NF1: variants seen among roughly 807,000 people sequenced by gnomAD.
NF1 encodes the protein neurofibromin 1.
In NF1, 122 loss-of-function variants were observed where a neutral mutation model predicts 325.7. The observed-to-expected ratio is 0.37, with a 90% CI of 0.32 to 0.44. The LOEUF (loss-of-function observed/expected upper bound fraction) is 0.44, where lower values mean the gene tolerates loss of function less well. NF1 is among the 20% of genes least tolerant of loss of function. NF1 has a pLI of 1.00. For synonymous variants in NF1, 1,091 were observed against 1,186.0 expected (o/e 0.92, Z 1.65); for missense variants, 2,140 against 3,415.4 (o/e 0.63, Z 9.31).
intron 5 of NF1, among the ~76,000 whole-genome samples, chr17:31,171,048 T>C (rs1215544641): frequency 6.6e-6 from 1 of 152,204 alleles, no homozygotes; most frequent in African/African-American, 2.4e-5. Flanking sequence ...TTTTGTTTTC[T>C]TAATATTTCC....
intron 48 of NF1, among the ~76,000 whole-genome samples, chr17:31,348,275 C>T (rs1238823718): frequency 7.6e-6 from 1 of 132,416 alleles, no homozygotes; most frequent in African/African-American, 2.8e-5. Flanking sequence ...AATCTTCAAA[C>T]TTCTTTCTTC....
intron 29 of NF1, among the ~76,000 whole-genome samples, chr17:31,237,382 C>T (rs1478542577): frequency 1.3e-5 from 2 of 152,184 alleles, no homozygotes; most frequent in Non-Finnish European, 2.9e-5. Context: ...TCAAGCGATT[C>T]TCCCATCTCA....
chr17:31,136,015 A>G (rs1308177232), intron 1 of NF1, among the ~76,000 whole-genome samples: 1 of 152,060 alleles, frequency 6.6e-6, no homozygotes, highest in African/African-American at 2.4e-5. Flanking sequence ...CTGTTGCAGT[A>G]ATTGCTCTTA....
intron 35 of NF1, among the ~76,000 whole-genome samples, chr17:31,263,144 T>TA (rs1178413461): frequency 4.1e-5 from 6 of 146,034 alleles, no homozygotes; most frequent in African/African-American, 1.6e-4. Context: ...TAAGATAAGA[T>TA]AGATAAGATA....
chr17:31,205,564 A>G (rs2066604980), intron 11 of NF1, among the ~76,000 whole-genome samples: 1 of 152,178 alleles, frequency 6.6e-6, no homozygotes, highest in Non-Finnish European at 1.5e-5. Context: ...ATCAGAGTTA[A>G]ACAGGGTAAA....
At chr17:31,144,819 T>A (rs899424008) in intron 1 of NF1, among the ~76,000 whole-genome samples, 2 of 152,212 alleles carry the variant, frequency 1.3e-5, no homozygotes, top group Non-Finnish European at 2.9e-5. Context: ...GTCAGAATAG[T>A]CACTGGACCT....
intron 10 of NF1, 57 bp downstream of exon 10, chr17:31,201,216 C>CA (rs1163451083): frequency 6.2e-7 from 1 of 1,601,682 alleles, no homozygotes; most frequent in Non-Finnish European, 8.5e-7. Context: ...CCTTTATAAA[C>CA]AAAAAGACTA....
intron 57 of NF1, among the ~76,000 whole-genome samples, chr17:31,369,504 C>T (rs1451366606): frequency 1.3e-5 from 2 of 152,196 alleles, no homozygotes; most frequent in Non-Finnish European, 2.9e-5. Context: ...TTTAAGCTGG[C>T]AAATCAGGAC....
At chr17:31,166,533 T>G (rs2065847180) in intron 4 of NF1, among the ~76,000 whole-genome samples, 1 of 152,186 alleles carries the variant, frequency 6.6e-6, no homozygotes, top group African/African-American at 2.4e-5. Flanking sequence ...GAGCTATTTT[T>G]TTCTTAATTT....
At position 31,326,247 on chromosome 17, in the gene NF1, A is replaced by G. The variant is rs370181275; in HGVS notation, c.5263A>G (p.Ile1755Val). 3.7e-6 allele frequency: 6 copies of G among 1,607,394 alleles called. No individual in the cohort carries two copies. Among genetic ancestry groups the G allele is most frequent in the Middle Eastern group, 1.6e-4 (1 of 6,084 alleles). Residue 1755 changes from isoleucine (I) to valine (V), a missense_variant, in exon 37 of 58, where the codon ATT (isoleucine) becomes GTT (valine). By Grantham distance (29) the Ile-to-Val change is conservative. Transcript: ENST00000358273. ...AGCTCACAAAGACACCAAAGTTTCT[A>G]TTAAAGTAAGTTCCAGTCTGTGTTT... is the stretch of plus-strand genomic sequence containing the variant. ...KLAHKDTKVS[I>V]KVGSTAVQVT...
At chr17:31,317,368 AACACACAC>A (rs3138611) in intron 36 of NF1, among the ~76,000 whole-genome samples, 16 of 144,648 alleles carry the variant, frequency 1.1e-4, no homozygotes, top group South Asian at 4.5e-4. Flanking sequence ...TCCAGATTTG[AACACACAC>A]ACACACACAC....
At chr17:31,174,145 C>A (rs988629086) in intron 5 of NF1, among the ~76,000 whole-genome samples, 2 of 152,134 alleles carry the variant, frequency 1.3e-5, no homozygotes, top group Admixed American at 1.3e-4. Context: ...ATAGACAGGT[C>A]ATTTTTTCCA....
intron 37 of NF1, among the ~76,000 whole-genome samples, chr17:31,326,975 G>GGAGTGCAGTGGCGTGATCTCA (rs17884689): frequency 3.3e-5 from 5 of 150,598 alleles, no homozygotes; most frequent in African/African-American, 1.2e-4. Context: ...TGCCTAGGCT[G>GGAGTGCAGTGGCGTGATCTCA]GAGTGCAGTG....
At chr17:31,268,180 A>G (rs2067824605) in intron 36 of NF1, among the ~76,000 whole-genome samples, 1 of 152,094 alleles carries the variant, frequency 6.6e-6, no homozygotes, top group Non-Finnish European at 1.5e-5. Flanking sequence ...TTATCTCAGT[A>G]CTGCACATCT....
At chr17:31,127,593 C>CT (rs199556341) in intron 1 of NF1, among the ~76,000 whole-genome samples, 1,726 of 139,976 alleles carry the variant, frequency 0.012, 38 homozygotes, top group African/African-American at 0.039. Context: ...TGTCTTTATA[C>CT]TTTTTTTTTT....
At chr17:31,286,165 GC>G (rs1377423154) in intron 36 of NF1, among the ~76,000 whole-genome samples, 2 of 152,066 alleles carry the variant, frequency 1.3e-5, no homozygotes, top group African/African-American at 4.8e-5. Context: ...GGCAATCTTG[GC>G]TCCCTGCAAC....
At position 31,276,037 on chromosome 17, in the gene NF1, A is replaced by G. The variant is rs530041643; in HGVS notation, c.4835+10698A>G. Among the ~76,000 whole-genome samples the G allele has an allele frequency of 2.6e-5, 4 of 151,930 alleles. No homozygotes were observed. In the East Asian group the frequency reaches 5.8e-4, roughly 22 times the overall value. On this transcript the variant is annotated intron_variant, in intron 36 of 57. Coordinates refer to ENST00000358273, the MANE Select transcript of NF1 (RefSeq NM_001042492.3). ...ATCCTGGCTAACACGGTGAAACCCC[A>G]TCTCTACTAAAAATACAAAAAATTA...
chr17:31,374,258 C>G lies in NF1; in HGVS notation c.*103C>G. ...CCCCCCATGTTGTAATGCTGCACTT[C>G]CTGTTTTATAATGAACCCATCCGGT... On this transcript the variant is annotated 3_prime_UTR_variant, in exon 58 of 58. Coordinates refer to ENST00000358273, the MANE Select transcript of NF1 (RefSeq NM_001042492.3). 6.8e-7 allele frequency: 1 copy of G among 1,478,410 alleles called. No homozygotes were observed. The allele number at this position is 1,478,410 out of a possible 1,614,324, so 91.6% of individuals were successfully genotyped here. A position where few individuals can be genotyped will look rare whatever the true frequency, so the allele number is the denominator to read the frequency against.
intron 1 of NF1, among the ~76,000 whole-genome samples, chr17:31,153,032 T>G (rs1379882262): frequency 6.6e-6 from 1 of 151,884 alleles, no homozygotes; most frequent in Non-Finnish European, 1.5e-5. Context: ...AAAAAAATGG[T>G]CTCATTCTTT....
Sources: gnomAD v4.1 joint callset for allele counts (sites outside exome capture counted in the v4.1 genomes callset) on GRCh38, gnomAD v4.1.1 for gene constraint, MANE v1.5 for transcripts, NCBI Gene and HGNC (gene_info 2026-07-23, HGNC 2026-07-21) for gene names.